Variants in LONP2 observed in about 807,000 individuals in gnomAD.
LONP2 encodes the protein lon protease homolog 2, peroxisomal.
Under a neutral mutation model 85.6 loss-of-function variants are expected in LONP2, and 60 were observed. The ratio of observed to expected loss-of-function variants is 0.70; its 90% CI spans 0.57 to 0.87. The LOEUF is 0.87. Among genes scored for constraint, LONP2 ranks in the 40% least tolerant of loss-of-function variants. LONP2 has a pLI of 0.00. For missense variants in LONP2, 860 were observed against 1,063.5 expected (o/e 0.81, Z 2.66); for synonymous variants, 395 against 389.7 (o/e 1.01, Z -0.16).
intron 5 of LONP2, among the ~76,000 whole-genome samples, chr16:48,262,538 C>T (rs960111759): frequency 6.6e-6 from 1 of 152,184 alleles, no homozygotes; most frequent in African/African-American, 2.4e-5. Flanking sequence ...AAGGGAAGAA[C>T]CCCTCCCTGG....
In LONP2 at chr16:48,362,781, G is replaced by GT; in HGVS notation, c.*922dup. On this transcript the variant is annotated 3_prime_UTR_variant, in exon 5 of 5. Coordinates refer to the LONP2 transcript ENST00000565867. The surrounding 1 kb of genome is among the most constrained non-coding windows in gnomAD (Gnocchi z 4.2). ...AAGGAACTGAAGTTTAATCGAATCC[G>GT]TTTTGCTAGGACTCTCCCTGAGGCT... The GT allele has an allele frequency of 4.5e-6, 1 of 221,812 alleles. No homozygotes were observed. The allele number at this position is 221,812 out of a possible 1,614,324, so 13.7% of individuals were successfully genotyped here. A position where few individuals can be genotyped will look rare whatever the true frequency, so the allele number is the denominator to read the frequency against.
intron 11 of LONP2, among the ~76,000 whole-genome samples, chr16:48,313,551 TCC>T (rs1391931402): frequency 1.3e-5 from 2 of 152,172 alleles, no homozygotes; most frequent in African/African-American, 4.8e-5. Flanking sequence ...ATTGTTCAGC[TCC>T]CACTTATAAG....
chr16:48,288,793 G>A (rs1304303162), intron 8 of LONP2, among the ~76,000 whole-genome samples: 5 of 152,024 alleles, frequency 3.3e-5, no homozygotes, highest in Admixed American at 3.3e-4. Context: ...TCTTCACCCT[G>A]ACTGCCCTTG....
At chr16:48,262,101 T>C (rs1258737023) in intron 5 of LONP2, among the ~76,000 whole-genome samples, 1 of 152,208 alleles carries the variant, frequency 6.6e-6, no homozygotes, top group African/African-American at 2.4e-5. Context: ...TTAAGAACAT[T>C]AGTAATTGTA....
chr16:48,334,189 T>G (rs1959563421), intron 11 of LONP2, 27 bp from the exon 12 acceptor site: 1 of 1,607,662 alleles, frequency 6.2e-7, no homozygotes, highest in Non-Finnish European at 8.5e-7. Flanking sequence ...CTCTTAGAAC[T>G]TCTAAATACA....
intron 6 of LONP2, among the ~76,000 whole-genome samples, chr16:48,263,307 A>G (rs1018421144): frequency 3.9e-5 from 6 of 152,236 alleles, no homozygotes; most frequent in African/African-American, 1.4e-4. Flanking sequence ...TTTATCTTGC[A>G]TAAGTGAAAC....
chr16:48,265,963 T>C (rs1465341717), intron 6 of LONP2, among the ~76,000 whole-genome samples: 1 of 152,200 alleles, frequency 6.6e-6, no homozygotes, highest in Non-Finnish European at 1.5e-5. Flanking sequence ...TTTCATTCTT[T>C]CTGAAACTAT....
At position 48,347,541 on chromosome 16, in the gene LONP2, T is replaced by C; in HGVS notation, c.1973T>C (p.Ile658Thr). The change falls in exon 13 of 15, where the codon ATA becomes ACA. Residue 658 changes from isoleucine to threonine, a missense_variant. Physicochemically the swap from Ile to Thr is moderately conservative, Grantham distance 89. This residue lies in a region of LONP2 where 743 missense variants were observed against 917.3 expected (regional missense o/e 0.81). Transcript: ENST00000285737. Reference protein sequence around the residue: ...SQRLSQPGVAIGLAWTPLGGE... With the variant: ...SQRLSQPGVATGLAWTPLGGE... ...CGTTTGAGTCAGCCAGGAGTAGCAA[T>C]AGGTTTGGCTTGGACTCCCTTAGGT... 10 of 1,614,248 alleles carry C rather than the reference T, an allele frequency of 6.2e-6. No individual in the cohort carries two copies. Among genetic ancestry groups the C allele is most frequent in the Non-Finnish European group, 8.5e-6 (10 of 1,180,044 alleles).
chr16:48,279,165 T>C (rs1972274342), intron 8 of LONP2, among the ~76,000 whole-genome samples: 1 of 152,174 alleles, frequency 6.6e-6, no homozygotes, highest in African/African-American at 2.4e-5. Flanking sequence ...TAAGCTGCTT[T>C]TATCTGTTTA....
At chr16:48,344,498 GTTATCTACA>G (rs1959906252) in intron 12 of LONP2, 1 of 152,184 alleles carries the variant, frequency 6.6e-6, no homozygotes, top group South Asian at 2.1e-4. Flanking sequence ...GCCATACGTG[GTTATCTACA>G]CCACCAACTG....
intron 8 of LONP2, among the ~76,000 whole-genome samples, chr16:48,286,252 C>T (rs1467028214): frequency 6.6e-6 from 1 of 151,444 alleles, no homozygotes; most frequent in Non-Finnish European, 1.5e-5. Context: ...CACCATTCTC[C>T]CGCCTCAGCC....
Position 48,306,104 on chromosome 16 carries a change from C to T in LONP2, c.1795+2799C>T, listed in dbSNP as rs79274822. Among the ~76,000 whole-genome samples, 1,303 of 152,278 alleles carry T rather than the reference C, an allele frequency of 8.6e-3. 15 individuals carry two copies. The highest frequency in any genetic ancestry group is 0.029 in the African/African-American group (1,203 of 41,550). On this transcript the variant is annotated intron_variant, in intron 11 of 14. Coordinates refer to ENST00000285737, the MANE Select transcript of LONP2 (RefSeq NM_031490.5). ...TATTCTTAACAACACTTCCTTTGTG[C>T]TGTGATCTCAAGCAACTGAGCCTAG...
chr16:48,351,556 TAAA>T (rs767475358), intron 14 of LONP2, 22 bp from the exon 15 acceptor site: 1 of 1,604,428 alleles, frequency 6.2e-7, no homozygotes, highest in African/African-American at 1.3e-5. Context: ...TCATTAACCC[TAAA>T]AACTTTTTTC....
chr16:48,292,994 G>T (rs1170430174), intron 8 of LONP2, among the ~76,000 whole-genome samples: 1 of 152,122 alleles, frequency 6.6e-6, no homozygotes, highest in African/African-American at 2.4e-5. Flanking sequence ...CAGAAACATT[G>T]CTTTATTAAT....
At chr16:48,325,021 A>G (rs1015347273) in intron 11 of LONP2, among the ~76,000 whole-genome samples, 1 of 152,156 alleles carries the variant, frequency 6.6e-6, no homozygotes, top group Non-Finnish European at 1.5e-5. Flanking sequence ...GTGGTCCCCA[A>G]CCTTTTTGGC....
intron 11 of LONP2, among the ~76,000 whole-genome samples, chr16:48,311,361 CTTT>C (rs568352293): frequency 1.4e-5 from 2 of 140,794 alleles, no homozygotes; most frequent in African/African-American, 2.6e-5. Flanking sequence ...ATTCTTTTTT[CTTT>C]TTTTTTTTTG....
chr16:48,274,747 G>C (rs16946047), intron 7 of LONP2, among the ~76,000 whole-genome samples: 3 of 151,872 alleles, frequency 2.0e-5, no homozygotes, highest in Non-Finnish European at 2.9e-5. Flanking sequence ...TTTTTCTACC[G>C]TACAAAGATA....
chr16:48,358,057 C>A (rs767269881), downstream of LONP2, among the ~76,000 whole-genome samples: 2 of 152,148 alleles, frequency 1.3e-5, no homozygotes, highest in Non-Finnish European at 2.9e-5. Context: ...AATTTCAGGA[C>A]AAGAGTTATG....
intron 11 of LONP2, among the ~76,000 whole-genome samples, chr16:48,311,677 T>C (rs1347444891): frequency 6.6e-6 from 1 of 152,146 alleles, no homozygotes; most frequent in Admixed American, 6.5e-5. Flanking sequence ...CTCTGTTGCC[T>C]TGTCTGGAGT....
Sources: allele counts gnomAD v4.1 joint callset (sites outside exome capture counted in the v4.1 genomes callset), GRCh38; gene constraint gnomAD v4.1.1; regional missense constraint gnomAD v4.1.1; non-coding constraint Gnocchi (gnomAD v3.1); transcripts MANE v1.5; gene names NCBI Gene and HGNC (gene_info 2026-07-23, HGNC 2026-07-21).